LRP1B: variants seen among roughly 807,000 people sequenced by gnomAD.
LRP1B encodes low-density lipoprotein receptor-related protein 1B.
Under a neutral mutation model 556.6 loss-of-function variants are expected in LRP1B, and 217 were observed. The observed-to-expected ratio is 0.39, with a 90% CI of 0.35 to 0.44. The LOEUF (loss-of-function observed/expected upper bound fraction) is 0.44, where lower values mean the gene tolerates loss of function less well. Among genes scored for constraint, LRP1B ranks in the 20% least tolerant of loss-of-function variants. LRP1B has a pLI of 1.00. For missense variants in LRP1B, 5,053 were observed against 5,620.8 expected, an observed-to-expected ratio of 0.90 and a Z score of 3.23; for synonymous variants, 2,047 against 1,865.8, an observed-to-expected ratio of 1.10 and a Z score of -2.50.
chr2:140,310,386 A>C (rs1204725268), intron 83 of LRP1B, among the ~76,000 whole-genome samples: 1 of 150,728 alleles, frequency 6.6e-6, no homozygotes, highest in African/African-American at 2.4e-5. Context: ...CAGAATTAGA[A>C]AAAGCAATCC....
At chr2:141,503,568 T>C (rs917800222) in intron 2 of LRP1B, among the ~76,000 whole-genome samples, 1 of 152,134 alleles carries the variant, frequency 6.6e-6, no homozygotes, top group African/African-American at 2.4e-5. Context: ...AAATACTGGC[T>C]GTATTCATAA....
chr2:141,682,774 G>A (rs1384496215), intron 2 of LRP1B, among the ~76,000 whole-genome samples: 2 of 152,092 alleles, frequency 1.3e-5, no homozygotes, highest in Non-Finnish European at 2.9e-5. Flanking sequence ...CTGTGTCTTA[G>A]CATAATGTTA....
At chr2:141,918,238 T>C (rs902747716) in intron 1 of LRP1B, among the ~76,000 whole-genome samples, 5 of 151,508 alleles carry the variant, frequency 3.3e-5, no homozygotes, top group African/African-American at 1.2e-4. Context: ...ATTATTTTCT[T>C]ATATATATAT....
intron 3 of LRP1B, among the ~76,000 whole-genome samples, chr2:141,307,795 G>A (rs901818691): frequency 6.6e-6 from 1 of 152,120 alleles, no homozygotes; most frequent in Non-Finnish European, 1.5e-5. Flanking sequence ...GAAGATTCTT[G>A]GGCCTTCAGA....
chr2:140,689,098 C>T (rs1005901975), intron 41 of LRP1B, among the ~76,000 whole-genome samples: 15 of 152,164 alleles, frequency 9.9e-5, no homozygotes, highest in African/African-American at 3.6e-4. Context: ...AAATGGCATT[C>T]AGTACAGTGT....
chr2:140,417,335 A>G (rs1053761971), intron 66 of LRP1B, among the ~76,000 whole-genome samples: 1 of 152,218 alleles, frequency 6.6e-6, no homozygotes, highest in Non-Finnish European at 1.5e-5. Context: ...AAAAGGCTGC[A>G]GTTGAAAAGG....
chr2:141,001,651 T>C (rs1404067438), intron 15 of LRP1B, among the ~76,000 whole-genome samples: 1 of 152,046 alleles, frequency 6.6e-6, no homozygotes, highest in Admixed American at 6.6e-5. Context: ...CGGCACAGAC[T>C]ATAAGGTCTG....
chr2:140,514,568 A>T, intron 51 of LRP1B, 85 bp downstream of exon 51: 1 of 1,305,616 alleles, frequency 7.7e-7, no homozygotes, highest in Non-Finnish European at 1.0e-6. Context: ...ATTTTAATAA[A>T]TTAGCAAATT....
intron 2 of LRP1B, among the ~76,000 whole-genome samples, chr2:141,797,918 T>C (rs1382445193): frequency 6.6e-6 from 1 of 152,048 alleles, no homozygotes; most frequent in African/African-American, 2.4e-5. Context: ...AACGGGAAAA[T>C]ATTCTGGATT....
At chr2:142,055,433 G>C (rs554185567) in intron 1 of LRP1B, among the ~76,000 whole-genome samples, 17 of 152,156 alleles carry the variant, frequency 1.1e-4, no homozygotes, top group African/African-American at 3.9e-4. Flanking sequence ...TAAGAGAAAA[G>C]AAAAATGTAA....
At chr2:142,037,021 ATG>A (rs1297898245) in intron 1 of LRP1B, among the ~76,000 whole-genome samples, 1 of 151,622 alleles carries the variant, frequency 6.6e-6, no homozygotes, top group East Asian at 1.9e-4. Flanking sequence ...ACAGAGGACT[ATG>A]TGTAATTATG....
intron 49 of LRP1B, among the ~76,000 whole-genome samples, chr2:140,521,845 AAAC>A (rs890611299): frequency 6.6e-6 from 1 of 152,086 alleles, no homozygotes; most frequent in Non-Finnish European, 1.5e-5. Flanking sequence ...TGCAAATGGA[AAAC>A]AAAAAAAGAG....
intron 7 of LRP1B, among the ~76,000 whole-genome samples, chr2:141,108,334 CTTTTTTT>C (rs60275697): frequency 1.7e-4 from 15 of 88,512 alleles, no homozygotes; most frequent in African/African-American, 4.3e-4. Context: ...TAATCTGTTT[CTTTTTTT>C]TTTTTTTTTT....
intron 9 of LRP1B, among the ~76,000 whole-genome samples, chr2:141,057,767 G>T (rs964927931): frequency 6.6e-6 from 1 of 151,758 alleles, no homozygotes; most frequent in Non-Finnish European, 1.5e-5. Context: ...CCAGTCTTGG[G>T]TACGTCTTTA....
At position 141,793,028 on chromosome 2, in the gene LRP1B, G is replaced by T. The variant is rs78592344; in HGVS notation, c.205+17251C>A. Among the ~76,000 whole-genome samples the T allele has an allele frequency of 4.1e-4, 62 of 151,876 alleles. No homozygotes were observed. In the East Asian group the frequency reaches 0.011, roughly 28 times the overall value. ...ATGCTATCAGCTGCCTTGTTAAAAA[G>T]GATAAATTACATTTTGGTTGACTCC... On this transcript the variant is annotated intron_variant, in intron 2 of 90. Coordinates refer to ENST00000389484, the MANE Select transcript of LRP1B (RefSeq NM_018557.3).
chr2:140,963,772 T>A (rs942699777), intron 18 of LRP1B, among the ~76,000 whole-genome samples: 2 of 151,946 alleles, frequency 1.3e-5, no homozygotes, highest in Non-Finnish European at 2.9e-5. Context: ...GTCTGGCCAA[T>A]AAGGTAAAAA....
At chr2:141,304,710 A>G (rs1381678523) in intron 3 of LRP1B, among the ~76,000 whole-genome samples, 1 of 151,764 alleles carries the variant, frequency 6.6e-6, no homozygotes, top group Non-Finnish European at 1.5e-5. Context: ...CATGTTGGCC[A>G]GTCTGGTCTC....
intron 21 of LRP1B, among the ~76,000 whole-genome samples, chr2:140,914,262 C>T (rs765087569): frequency 2.6e-5 from 4 of 151,900 alleles, no homozygotes; most frequent in Non-Finnish European, 5.9e-5. Flanking sequence ...GAAAGCTTAA[C>T]CTTAGGTTAT....
At chr2:141,452,157 T>C (rs1681444962) in intron 3 of LRP1B, among the ~76,000 whole-genome samples, 1 of 152,140 alleles carries the variant, frequency 6.6e-6, no homozygotes, top group Non-Finnish European at 1.5e-5. Context: ...TACAAAATTA[T>C]TCCCACAATT....
Sources: allele counts gnomAD v4.1 joint callset (sites outside exome capture counted in the v4.1 genomes callset), GRCh38; gene constraint gnomAD v4.1.1; transcripts MANE v1.5; gene names NCBI Gene and HGNC (gene_info 2026-07-23, HGNC 2026-07-21).